The following TMEM178B variants were observed in gnomAD, a reference collection of about 807,000 sequenced individuals.
TMEM178B encodes the protein transmembrane protein 178B.
In TMEM178B, 5 loss-of-function variants were observed where a neutral mutation model predicts 31.0. The observed-to-expected ratio is 0.16, with a 90% confidence interval of 0.08 to 0.34. The LOEUF is 0.34. Ranked by LOEUF, TMEM178B falls within the 10% of genes least tolerant of loss-of-function variation. TMEM178B has a pLI of 1.00. For synonymous variants in TMEM178B, 164 were observed against 164.0 expected, an observed-to-expected ratio of 1.00 and a Z score of 0.00; for missense variants, 275 against 400.3, an observed-to-expected ratio of 0.69 and a Z score of 2.67.
chr7:141,148,121 T>C (rs977782249), intron 1 of TMEM178B, among the ~76,000 whole-genome samples: 3 of 152,166 alleles, frequency 2.0e-5, no homozygotes, highest in African/African-American at 4.8e-5. Context: ...ATTCCCTGCC[T>C]TTTTCAGCTT....
At chr7:141,145,249 T>C (rs1000597461) in intron 1 of TMEM178B, among the ~76,000 whole-genome samples, 9 of 152,108 alleles carry the variant, frequency 5.9e-5, no homozygotes, top group African/African-American at 2.2e-4. Flanking sequence ...GAGGAGGGCT[T>C]GAAGAGGACT....
At chr7:141,348,923 C>T (rs1332949930) in intron 2 of TMEM178B, among the ~76,000 whole-genome samples, 5 of 152,104 alleles carry the variant, frequency 3.3e-5, no homozygotes, top group African/African-American at 4.8e-5. Flanking sequence ...GAGTGACTGG[C>T]GGGGTTCATG....
At chr7:141,490,912 A>C in the TMEM178B span, among the ~76,000 whole-genome samples, 2 of 152,246 alleles carry the variant, frequency 1.3e-5, no homozygotes, top group Non-Finnish European at 2.9e-5. Flanking sequence ...CAGATGAGAA[A>C]ATGTGCTCAA....
At chr7:141,467,975 A>C (rs184501391) in intron 3 of TMEM178B, among the ~76,000 whole-genome samples, 3,563 of 150,834 alleles carry the variant, frequency 0.024, 120 homozygotes, top group African/African-American at 0.08. Context: ...ATCTTTCAAA[A>C]AAAAAAAAAA....
At chr7:141,417,900 T>C (rs925855909) in intron 2 of TMEM178B, among the ~76,000 whole-genome samples, 1 of 152,176 alleles carries the variant, frequency 6.6e-6, no homozygotes, top group African/African-American at 2.4e-5. Context: ...CCAATGATAT[T>C]AAGGTCACAT....
chr7:141,093,658 A>G (rs180867809), intron 1 of TMEM178B, among the ~76,000 whole-genome samples: 46 of 152,380 alleles, frequency 3.0e-4, no homozygotes, highest in African/African-American at 8.9e-4. Flanking sequence ...GATAGAGCTC[A>G]GGGAGATGAG....
chr7:141,212,588 T>C lies in TMEM178B; in HGVS notation c.383-3T>C, dbSNP rs1347286577. ...CATTTTGTTTCCTGTTTCTCTTTTC[T>C]AGGAGAAATTGAGCGATGTACGTAC... On this transcript the variant is annotated splice_region_variant and splice_polypyrimidine_tract_variant and intron_variant, in intron 1 of 3. Coordinates refer to ENST00000565468, the MANE Select transcript of TMEM178B (RefSeq NM_001195278.2). 1 of 1,535,588 alleles carries C rather than the reference T, an allele frequency of 6.5e-7. No individual in the cohort carries two copies. The highest frequency in any genetic ancestry group is 1.7e-4 in the Middle Eastern group (1 of 5,988).
chr7:141,236,013 G>A (rs1002442198), intron 2 of TMEM178B, among the ~76,000 whole-genome samples: 3 of 152,190 alleles, frequency 2.0e-5, no homozygotes, highest in Admixed American at 2.0e-4. Flanking sequence ...GTGTAACAGG[G>A]ATTTTCTTCT....
At chr7:141,212,456 A>T in intron 1 of TMEM178B, 135 bp from the exon 2 acceptor site, 1 of 665,908 alleles carries the variant, frequency 1.5e-6, no homozygotes, top group Admixed American at 2.4e-5. Flanking sequence ...AGTTGAAGGT[A>T]TTGTCTTTCT....
intron 2 of TMEM178B, among the ~76,000 whole-genome samples, chr7:141,346,738 A>G (rs1394879085): frequency 6.6e-6 from 1 of 152,230 alleles, no homozygotes; most frequent in Non-Finnish European, 1.5e-5. Context: ...TGTATATACC[A>G]ACAGTGTGTG....
At chr7:141,144,873 T>C (rs781309852) in intron 1 of TMEM178B, among the ~76,000 whole-genome samples, 6 of 152,018 alleles carry the variant, frequency 3.9e-5, no homozygotes, top group African/African-American at 1.4e-4. Flanking sequence ...CCGACGTTGC[T>C]TTTTTTCACT....
At chr7:141,180,748 T>C (rs1240256435) in intron 1 of TMEM178B, among the ~76,000 whole-genome samples, 1 of 152,206 alleles carries the variant, frequency 6.6e-6, no homozygotes, top group Non-Finnish European at 1.5e-5. Context: ...AGTTCTCAAA[T>C]TGTATAATTA....
At chr7:141,174,839 T>C (rs1796402152) in intron 1 of TMEM178B, among the ~76,000 whole-genome samples, 1 of 152,236 alleles carries the variant, frequency 6.6e-6, no homozygotes, top group Admixed American at 6.5e-5. Context: ...CTGTTTAAGT[T>C]CTTTGTAGAT....
chr7:141,401,763 C>T (rs1800780903), intron 2 of TMEM178B, among the ~76,000 whole-genome samples: 2 of 152,182 alleles, frequency 1.3e-5, no homozygotes, highest in Non-Finnish European at 2.9e-5. Context: ...CCATACGCAT[C>T]TGCCTTGCTG....
At chr7:141,500,643 C>T in the TMEM178B span, among the ~76,000 whole-genome samples, 1 of 152,088 alleles carries the variant, frequency 6.6e-6, no homozygotes, top group East Asian at 1.9e-4. Flanking sequence ...GCCATTTTTC[C>T]CCAATTGCTA....
In TMEM178B at chr7:141,286,937, A is replaced by G. The variant is rs111918918; in HGVS notation, c.496+74233A>G. ...TTAGGGGAGTTCTTGGAGGTTATATATTAAATGTAACTGTAAGAAAGTCCT... is the reference window on the plus strand; with the variant it reads ...TTAGGGGAGTTCTTGGAGGTTATATGTTAAATGTAACTGTAAGAAAGTCCT... On this transcript the variant is annotated intron_variant, in intron 2 of 3. Transcript: ENST00000565468. 7.1e-3 allele frequency among the ~76,000 whole-genome samples: 1,084 copies of G among 152,366 alleles called. 11 individuals carry two copies. The highest frequency in any genetic ancestry group is 0.025 in the African/African-American group (1,036 of 41,590).
intron 2 of TMEM178B, among the ~76,000 whole-genome samples, chr7:141,289,692 G>A (rs1422356931): frequency 3.5e-5 from 5 of 144,674 alleles, no homozygotes; most frequent in African/African-American, 1.3e-4. Context: ...TCCAGCATGG[G>A]TGACAGAGAG....
At chr7:141,445,209 G>A (rs1801731630) in intron 3 of TMEM178B, among the ~76,000 whole-genome samples, 1 of 152,084 alleles carries the variant, frequency 6.6e-6, no homozygotes, top group African/African-American at 2.4e-5. Context: ...GCTCCACCAA[G>A]CTCACCAGAG....
At chr7:141,293,111 G>T (rs532215548) in intron 2 of TMEM178B, among the ~76,000 whole-genome samples, 1 of 152,302 alleles carries the variant, frequency 6.6e-6, no homozygotes, top group African/African-American at 2.4e-5. Flanking sequence ...AGACTAGGGA[G>T]AAACCAAATC....
Sources: gnomAD v4.1 joint callset for allele counts (sites outside exome capture counted in the v4.1 genomes callset) on GRCh38, gnomAD v4.1.1 for gene constraint, MANE v1.5 for transcripts, NCBI Gene and HGNC (gene_info 2026-07-23, HGNC 2026-07-21) for gene names.